The following CAPN3 variants were observed in gnomAD, a reference collection of about 807,000 sequenced individuals.
CAPN3 encodes calpain-3.
A neutral mutation model predicts 114.0 loss-of-function variants in CAPN3; 88 were observed. That is an observed-to-expected ratio of 0.77 (90% CI 0.65 to 0.92). The LOEUF is 0.92. CAPN3 is among the 40% of genes least tolerant of loss of function. The probability of loss-of-function intolerance (pLI) is 0.00; values close to 1 mark genes in which losing one functional copy is unlikely to be tolerated. For missense variants in CAPN3, 1,028 were observed against 1,069.0 expected, an observed-to-expected ratio of 0.96 and a Z score of 0.53; for synonymous variants, 386 against 382.9, an observed-to-expected ratio of 1.01 and a Z score of -0.09.
At chr15:42,411,250 C>T in intron 22 of CAPN3, 37 bp from the exon 23 acceptor site, 1 of 1,579,086 alleles carries the variant, frequency 6.3e-7, no homozygotes, top group South Asian at 1.1e-5. Context: ...GCGGAGTGCG[C>T]CTGTAACTGG....
At chr15:42,402,523 C>A in intron 12 of CAPN3, 1 of 1,441,246 alleles carries the variant, frequency 6.9e-7, no homozygotes, top group Non-Finnish European at 9.1e-7. Flanking sequence ...GTCCTTCCAG[C>A]CTGAGGGGCT....
intron 1 of CAPN3, among the ~76,000 whole-genome samples, chr15:42,380,200 C>G (rs866985318): frequency 1.3e-5 from 2 of 152,180 alleles, no homozygotes; most frequent in South Asian, 4.1e-4. Flanking sequence ...GTATTTTGAT[C>G]ATTCACATGT....
At chr15:42,398,089 A>G (rs920123494) in intron 9 of CAPN3, among the ~76,000 whole-genome samples, 1 of 151,982 alleles carries the variant, frequency 6.6e-6, no homozygotes. Flanking sequence ...TGGATATATC[A>G]TAGCTATATA....
chr15:42,410,831 C>A, intron 21 of CAPN3, 53 bp from the exon 22 acceptor site: 1 of 1,470,866 alleles, frequency 6.8e-7, no homozygotes, highest in African/African-American at 1.4e-5. Flanking sequence ...AAATAGAAGG[C>A]AGGCCCAAGG....
At chr15:42,362,720 AG>A (rs987614125) in intron 1 of CAPN3, among the ~76,000 whole-genome samples, 3 of 152,258 alleles carry the variant, frequency 2.0e-5, no homozygotes, top group African/African-American at 7.2e-5. Context: ...AGGCCCAGAA[AG>A]GGCAAATGAC....
Position 42,402,900 on chromosome 15 carries a change from G to A in CAPN3, c.1643G>A (p.Arg548His), listed in dbSNP as rs146309264. Residue 548 changes from arginine (R) to histidine (H), a missense_variant, in exon 13 of 24, where the codon CGC (arginine) becomes CAC (histidine). By Grantham distance (29) the Arg-to-His change is conservative (BLOSUM62 0). Coordinates refer to ENST00000397163, the MANE Select transcript of CAPN3 (RefSeq NM_000070.3). The part of the protein sequence containing the change: ...INMREVSQRF[R>H]LPPSEYVIVP... ...ATGCGGGAGGTGTCCCAGCGCTTCCGCCTGCCTCCCAGCGAGTACGTCATC... is the reference window on the plus strand; with the variant it reads ...ATGCGGGAGGTGTCCCAGCGCTTCCACCTGCCTCCCAGCGAGTACGTCATC... 2.5e-4 allele frequency: 404 copies of A among 1,614,046 alleles called. 1 individual carries two copies. The highest frequency in any genetic ancestry group is 4.5e-5 in the Non-Finnish European group (53 of 1,180,010).
At position 42,385,727 on chromosome 15, in the gene CAPN3, A is replaced by G. The variant is rs114377563; in HGVS notation, c.380-440A>G. 9.5e-4 allele frequency: 495 copies of G among 521,246 alleles called. 2 individuals carry two copies. Among genetic ancestry groups the G allele is most frequent in the African/African-American group, 4.9e-3 (255 of 52,084 alleles). The allele number at this position is 521,246 out of a possible 1,614,324, so 32.3% of individuals were successfully genotyped here. Reference sequence around the variant, plus strand: ...CCTGGCCTTCCTTCCAATACAAATCATCTTGGTGGATGGTTCTCTGAGGCT... The same window carrying G: ...CCTGGCCTTCCTTCCAATACAAATCGTCTTGGTGGATGGTTCTCTGAGGCT... On this transcript the variant is annotated intron_variant, in intron 2 of 23. Transcript: ENST00000397163.
rs772498665 is a variant in CAPN3 at position 42,412,307 on chromosome 15, T to C, written c.*534T>C. The C allele has an allele frequency of 2.6e-4, 225 of 864,538 alleles. 1 individual carries two copies. The highest frequency in any genetic ancestry group is 6.8e-4 in the Middle Eastern group (3 of 4,438). The allele number at this position is 864,538 out of a possible 1,614,324, so 53.6% of individuals were successfully genotyped here. On this transcript the variant is annotated 3_prime_UTR_variant, in exon 24 of 24. Coordinates refer to ENST00000397163, the MANE Select transcript of CAPN3 (RefSeq NM_000070.3). Reference sequence around the variant, plus strand: ...AAGCTGATCTAAATAAAGGCATGTGTATGGCTGGTCCCCTTGTGTTTTGTT... The same window carrying C: ...AAGCTGATCTAAATAAAGGCATGTGCATGGCTGGTCCCCTTGTGTTTTGTT...
chr15:42,365,539 CT>C (rs1320132742), intron 1 of CAPN3, among the ~76,000 whole-genome samples: 1 of 152,178 alleles, frequency 6.6e-6, no homozygotes, highest in Non-Finnish European at 1.5e-5. Flanking sequence ...TGCCTTCTCA[CT>C]TGCTGATGGT....
chr15:42,391,485 A>G (rs1243850721), intron 6 of CAPN3, among the ~76,000 whole-genome samples: 2 of 152,184 alleles, frequency 1.3e-5, no homozygotes, highest in Non-Finnish European at 2.9e-5. Flanking sequence ...GAGATCTGGA[A>G]GAGACTGAGA....
At position 42,394,325 on chromosome 15, in the gene CAPN3, G is replaced by A. The variant is rs767106920; in HGVS notation, c.1099G>A (p.Gly367Ser). The A allele has an allele frequency of 2.6e-5, 40 of 1,560,702 alleles. No homozygotes were observed. The South Asian group carries it at 2.7e-4, about 11-fold the overall frequency. Residue 367 changes from glycine to serine, a missense_variant, in exon 8 of 24, where the codon GGT becomes AGT. By Grantham distance (56) the Gly-to-Ser change is moderately conservative (BLOSUM62 0). Transcript: ENST00000397163. ...TCCGTGGGGCCAGGTGGAGTGGAAC[G>A]GTTCTTGGAGTGATAGGTAGGTGAG... Reference protein sequence around the residue: ...RNPWGQVEWNGSWSDRWKDWS... With the variant: ...RNPWGQVEWNSSWSDRWKDWS...
At chr15:42,384,574 G>C in intron 2 of CAPN3, 22 bp downstream of exon 2, 1 of 1,536,116 alleles carries the variant, frequency 6.5e-7, no homozygotes, top group Non-Finnish European at 9.0e-7. Flanking sequence ...CCTCAGGTCA[G>C]ATCCTGCCAG....
At chr15:42,386,508 C>G (rs955334059) in intron 3 of CAPN3, among the ~76,000 whole-genome samples, 6 of 152,208 alleles carry the variant, frequency 3.9e-5, no homozygotes, top group Non-Finnish European at 7.4e-5. Context: ...CCCAGAAAGA[C>G]AGGAAGACAT....
intron 7 of CAPN3, among the ~76,000 whole-genome samples, chr15:42,393,198 G>T (rs1336824615): frequency 6.6e-6 from 1 of 152,112 alleles, no homozygotes; most frequent in Non-Finnish European, 1.5e-5. Flanking sequence ...TATACTTTAA[G>T]TCATCTCTGG....
intron 13 of CAPN3, among the ~76,000 whole-genome samples, chr15:42,403,519 G>A (rs566182088): frequency 6.6e-6 from 1 of 152,094 alleles, no homozygotes; most frequent in Non-Finnish European, 1.5e-5. Context: ...TCATGCCTTT[G>A]GGGGGCTCTG....
chr15:42,405,059 A>G, intron 14 of CAPN3: 2 of 978,434 alleles, frequency 2.0e-6, no homozygotes, highest in South Asian at 4.7e-5. Context: ...GTCAACAGGA[A>G]TGTTGGGGCG....
chr15:42,370,663 C>T (rs550889743), intron 1 of CAPN3, among the ~76,000 whole-genome samples: 2 of 152,064 alleles, frequency 1.3e-5, no homozygotes, highest in South Asian at 4.2e-4. Context: ...CCAAACAGAC[C>T]CGGTCTGAAC....
At chr15:42,366,743 G>A (rs1169922888) in intron 1 of CAPN3, among the ~76,000 whole-genome samples, 1 of 152,028 alleles carries the variant, frequency 6.6e-6, no homozygotes, top group Non-Finnish European at 1.5e-5. Flanking sequence ...GGAAAATGGA[G>A]TGGAGGAAGC....
intron 16 of CAPN3, 59 bp from the exon 17 acceptor site, chr15:42,409,244 C>T: frequency 6.5e-7 from 1 of 1,535,756 alleles, no homozygotes; most frequent in Non-Finnish European, 9.0e-7. Flanking sequence ...GAGGAGCTTG[C>T]CTCACAGGCC....
Sources: allele counts gnomAD v4.1 joint callset (sites outside exome capture counted in the v4.1 genomes callset), GRCh38; gene constraint gnomAD v4.1.1; transcripts MANE v1.5; gene names NCBI Gene and HGNC (gene_info 2026-07-23, HGNC 2026-07-21).